MAGI2: variants seen among roughly 807,000 people sequenced by gnomAD.
MAGI2 encodes the protein membrane associated guanylate kinase, WW and PDZ domain containing 2.
In MAGI2, 35 loss-of-function variants were observed where a neutral mutation model predicts 133.3. The ratio of observed to expected loss-of-function variants is 0.26; its 90% CI spans 0.20 to 0.35. The LOEUF (loss-of-function observed/expected upper bound fraction) is 0.35, where lower values mean the gene tolerates loss of function less well. Ranked by LOEUF, MAGI2 falls within the 10% of genes least tolerant of loss-of-function variation. MAGI2 has a pLI of 1.00. For missense variants in MAGI2, 1,636 were observed against 1,863.4 expected, an observed-to-expected ratio of 0.88 and a Z score of 2.25; for synonymous variants, 729 against 710.6, an observed-to-expected ratio of 1.03 and a Z score of -0.41.
At chr7:78,419,342 T>C (rs1436076256) in intron 6 of MAGI2, among the ~76,000 whole-genome samples, 1 of 152,036 alleles carries the variant, frequency 6.6e-6, no homozygotes, top group Non-Finnish European at 1.5e-5. Flanking sequence ...TTATAACTGG[T>C]GTGTAGCCCT....
At chr7:78,923,251 G>C (rs1158257012) in intron 2 of MAGI2, among the ~76,000 whole-genome samples, 2 of 152,114 alleles carry the variant, frequency 1.3e-5, no homozygotes, top group Non-Finnish European at 2.9e-5. Flanking sequence ...TGGTGTTTTT[G>C]ACATGAAGTC....
chr7:78,415,343 A>G (rs1364185712), intron 6 of MAGI2, among the ~76,000 whole-genome samples: 3 of 152,082 alleles, frequency 2.0e-5, no homozygotes, highest in Admixed American at 6.6e-5. Context: ...AAAATAGGAC[A>G]GTCTCCAAAA....
At chr7:78,469,246 C>T (rs977130863) in intron 6 of MAGI2, among the ~76,000 whole-genome samples, 2 of 152,180 alleles carry the variant, frequency 1.3e-5, no homozygotes, top group Middle Eastern at 3.4e-3. Flanking sequence ...CATGAAATAG[C>T]CTAGAACTAG....
intron 4 of MAGI2, among the ~76,000 whole-genome samples, chr7:78,504,337 G>A (rs1310186178): frequency 6.6e-6 from 1 of 152,148 alleles, no homozygotes; most frequent in African/African-American, 2.4e-5. Context: ...ATCTCCTAAT[G>A]TGTATGTTTA....
intron 9 of MAGI2, among the ~76,000 whole-genome samples, chr7:78,300,660 T>C (rs920299885): frequency 1.1e-4 from 16 of 152,170 alleles, no homozygotes; most frequent in African/African-American, 3.6e-4. Flanking sequence ...ATTAAAAATA[T>C]GGTGCCTAAT....
At chr7:79,143,180 C>T (rs780134223) in intron 1 of MAGI2, among the ~76,000 whole-genome samples, 2 of 152,162 alleles carry the variant, frequency 1.3e-5, no homozygotes, top group Non-Finnish European at 2.9e-5. Context: ...TAGATAAAAA[C>T]ATTCAACACA....
intron 2 of MAGI2, among the ~76,000 whole-genome samples, chr7:78,628,464 T>C (rs955372583): frequency 1.3e-5 from 2 of 152,132 alleles, no homozygotes; most frequent in Non-Finnish European, 2.9e-5. Flanking sequence ...TCGGTTCTCC[T>C]TTTGGTCTAT....
intron 2 of MAGI2, among the ~76,000 whole-genome samples, chr7:78,885,018 C>A (rs569558455): frequency 6.6e-6 from 1 of 152,092 alleles, no homozygotes; most frequent in Non-Finnish European, 1.5e-5. Flanking sequence ...AACATGGATG[C>A]AACTGGAGGC....
At chr7:78,623,360 C>T (rs1807954895) in intron 3 of MAGI2, among the ~76,000 whole-genome samples, 1 of 151,902 alleles carries the variant, frequency 6.6e-6, no homozygotes. Context: ...ATGAATGTTA[C>T]TAAATAAAGT....
intron 1 of MAGI2, among the ~76,000 whole-genome samples, chr7:79,278,177 G>A (rs1835372953): frequency 6.6e-6 from 1 of 152,034 alleles, no homozygotes. Context: ...TGTGAGATCT[G>A]GTTGCTTAAA....
Position 79,185,279 on chromosome 7 carries a change from A to G in MAGI2, c.302-178073T>C, listed in dbSNP as rs537556942. ...AAATGAAATGCGTATCTCCAAATGA[A>G]TAGAATAAACCCTGATAAAGGGCCC... On this transcript the variant is annotated intron_variant, in intron 1 of 21. Coordinates refer to ENST00000354212, the MANE Select transcript of MAGI2 (RefSeq NM_012301.4). 3.3e-5 allele frequency among the ~76,000 whole-genome samples: 5 copies of G among 152,028 alleles called. No homozygotes were observed. The South Asian group carries it at 1.0e-3, about 32-fold the overall frequency.
chr7:78,880,333 C>A (rs1363317888), intron 2 of MAGI2, among the ~76,000 whole-genome samples: 1 of 152,142 alleles, frequency 6.6e-6, no homozygotes, highest in Non-Finnish European at 1.5e-5. Flanking sequence ...AGGAAAAGGT[C>A]AGATCTTGAA....
chr7:78,409,554 C>T (rs1797685628), intron 6 of MAGI2, among the ~76,000 whole-genome samples: 1 of 152,090 alleles, frequency 6.6e-6, no homozygotes, highest in Non-Finnish European at 1.5e-5. Context: ...ACCATCAAGA[C>T]TAATCCATTT....
intron 1 of MAGI2, among the ~76,000 whole-genome samples, chr7:79,242,159 T>C (rs929124980): frequency 6.6e-6 from 1 of 152,198 alleles, no homozygotes; most frequent in Non-Finnish European, 1.5e-5. Context: ...TATTGTATAA[T>C]TGAAAATTGC....
intron 2 of MAGI2, among the ~76,000 whole-genome samples, chr7:78,753,902 C>G (rs1823694678): frequency 6.6e-6 from 1 of 152,016 alleles, no homozygotes; most frequent in Admixed American, 6.6e-5. Flanking sequence ...AAACTCTATA[C>G]TGAGAATTTT....
chr7:79,117,392 GA>G (rs942484924), intron 1 of MAGI2, among the ~76,000 whole-genome samples: 5 of 151,746 alleles, frequency 3.3e-5, no homozygotes, highest in African/African-American at 2.4e-5. Context: ...TAATTTGTAG[GA>G]AAAAAAATCT....
chr7:78,407,860 TCTAGGATGCCAGAGATCATTCC>T (rs1797529107), intron 6 of MAGI2, among the ~76,000 whole-genome samples: 1 of 16,984 alleles, frequency 5.9e-5, no homozygotes, highest in Non-Finnish European at 1.3e-4. Flanking sequence ...CTGGTTTTCC[TCTAGGATGCCAGAGATCATTCC>T]TCTAGGATGC....
chr7:79,258,843 G>T (rs1217059977), intron 1 of MAGI2, among the ~76,000 whole-genome samples: 1 of 152,228 alleles, frequency 6.6e-6, no homozygotes, highest in African/African-American at 2.4e-5. Context: ...GGAAGTGAGT[G>T]CAAGTGCAAA....
chr7:79,245,329 G>A (rs887823079), intron 1 of MAGI2, among the ~76,000 whole-genome samples: 13 of 152,328 alleles, frequency 8.5e-5, no homozygotes, highest in Non-Finnish European at 1.8e-4. Flanking sequence ...TGGACTCATA[G>A]GGTCTCCAAT....
Sources: gnomAD v4.1 joint callset for allele counts (sites outside exome capture counted in the v4.1 genomes callset) on GRCh38, gnomAD v4.1.1 for gene constraint, MANE v1.5 for transcripts, NCBI Gene and HGNC (gene_info 2026-07-23, HGNC 2026-07-21) for gene names.